The following BLVRA variants were observed in gnomAD, a reference collection of about 807,000 sequenced individuals.
BLVRA encodes biliverdin reductase A.
Under a neutral mutation model 32.8 loss-of-function variants are expected in BLVRA, and 22 were observed. The observed-to-expected ratio is 0.67, with a 90% CI of 0.48 to 0.96. The LOEUF is 0.96. Ranked by LOEUF, BLVRA falls within the 40% of genes least tolerant of loss-of-function variation. The pLI, the probability that BLVRA is intolerant of heterozygous loss-of-function variation, is 0.00. For synonymous variants in BLVRA, 119 were observed against 141.3 expected (o/e 0.84, Z 1.12); for missense variants, 323 against 358.1 (o/e 0.90, Z 0.79).
intron 5 of BLVRA, 146 bp downstream of exon 5, chr7:43,792,958 G>A (rs2095787879): frequency 5.0e-6 from 4 of 793,064 alleles, no homozygotes; most frequent in Non-Finnish European, 8.4e-6. Flanking sequence ...CCCCCACACT[G>A]TAAACACAGA....
chr7:43,772,779 C>T (rs1394431064), intron 2 of BLVRA, among the ~76,000 whole-genome samples: 1 of 152,206 alleles, frequency 6.6e-6, no homozygotes, highest in Admixed American at 6.5e-5. Flanking sequence ...CTCGTGAGAA[C>T]TCACTATCAT....
At chr7:43,758,822 G>T (rs1276724802) in intron 1 of BLVRA, 88 bp downstream of exon 1, 1 of 151,588 alleles carries the variant, frequency 6.6e-6, no homozygotes, top group Admixed American at 6.6e-5. Flanking sequence ...TGAGCTCGAA[G>T]CCCCAGGCCC....
At chr7:43,803,900 T>C in intron 7 of BLVRA, 53 bp downstream of exon 7, 1 of 1,602,488 alleles carries the variant, frequency 6.2e-7, no homozygotes, top group Non-Finnish European at 8.5e-7. Context: ...TCCTAGTACA[T>C]TTGCAGGTAT....
chr7:43,784,377 CT>C (rs2095774205), intron 2 of BLVRA, among the ~76,000 whole-genome samples: 1 of 152,158 alleles, frequency 6.6e-6, no homozygotes, highest in South Asian at 2.1e-4. Context: ...TTCCCCTTTC[CT>C]CTGCCTCCTA....
At chr7:43,798,944 T>C (rs2095795743) in intron 5 of BLVRA, among the ~76,000 whole-genome samples, 1 of 150,394 alleles carries the variant, frequency 6.6e-6, no homozygotes, top group Admixed American at 6.6e-5. Context: ...TACATAGTGC[T>C]GGGGAAAATA....
At chr7:43,801,004 C>A (rs2132593549) in intron 6 of BLVRA, among the ~76,000 whole-genome samples, 1 of 151,812 alleles carries the variant, frequency 6.6e-6, no homozygotes, top group South Asian at 2.1e-4. Context: ...TTTACTTATT[C>A]TGTTCTTACT....
At chr7:43,789,602 G>T (rs2095782933) in intron 3 of BLVRA, among the ~76,000 whole-genome samples, 1 of 152,174 alleles carries the variant, frequency 6.6e-6, no homozygotes, top group African/African-American at 2.4e-5. Flanking sequence ...TTAAGCCCCA[G>T]TCCTCTGCCA....
At chr7:43,761,963 C>T (rs2095742785) in intron 1 of BLVRA, among the ~76,000 whole-genome samples, 1 of 152,036 alleles carries the variant, frequency 6.6e-6, no homozygotes, top group Admixed American at 6.6e-5. Context: ...TATCCAACTC[C>T]CTCCAGGGCA....
chr7:43,761,088 T>C (rs2095741720), intron 1 of BLVRA, among the ~76,000 whole-genome samples: 1 of 152,188 alleles, frequency 6.6e-6, no homozygotes, highest in Admixed American at 6.6e-5. Context: ...GTCTTTGAGC[T>C]GTGAGGAAAT....
intron 2 of BLVRA, among the ~76,000 whole-genome samples, chr7:43,773,599 A>G (rs949173766): frequency 2.0e-5 from 3 of 152,204 alleles, no homozygotes; most frequent in Non-Finnish European, 4.4e-5. Flanking sequence ...CAATAAACAT[A>G]CGTGTGCATG....
intron 1 of BLVRA, among the ~76,000 whole-genome samples, chr7:43,763,616 C>T (rs2095744745): frequency 1.3e-5 from 2 of 152,316 alleles, no homozygotes; most frequent in South Asian, 4.1e-4. Context: ...CTGCTTTTGA[C>T]CCCTGGCTCT....
At chr7:43,772,888 A>G (rs962110398) in intron 2 of BLVRA, among the ~76,000 whole-genome samples, 7 of 152,168 alleles carry the variant, frequency 4.6e-5, no homozygotes, top group Non-Finnish European at 8.8e-5. Flanking sequence ...TCAAGATGAG[A>G]TTTGGGTGGG....
chr7:43,792,082 G>T (rs958616392), intron 4 of BLVRA, among the ~76,000 whole-genome samples: 7 of 152,202 alleles, frequency 4.6e-5, no homozygotes, highest in African/African-American at 1.7e-4. Flanking sequence ...TCCACAGAAT[G>T]AAATCTGAAC....
chr7:43,762,863 C>T (rs968664045), intron 1 of BLVRA, among the ~76,000 whole-genome samples: 6 of 152,100 alleles, frequency 3.9e-5, no homozygotes, highest in South Asian at 2.1e-4. Context: ...GCCCCATGCC[C>T]GCCTCGGCCT....
Position 43,788,034 on chromosome 7 carries a change from C to T in BLVRA, c.134+9C>T. 6.2e-7 allele frequency: 1 copy of T among 1,614,182 alleles called. No homozygotes were observed. The highest frequency in any genetic ancestry group is 1.1e-5 in the South Asian group (1 of 91,082). The stretch of plus-strand genomic sequence containing the variant: ...ATTGGCTTCGTGTCGAGGTGGCTCA[C>T]AATGTCTTTGTGCTTCATAATTCAT... On this transcript the variant is annotated intron_variant, in intron 3 of 7. Coordinates refer to ENST00000265523, the MANE Select transcript of BLVRA (RefSeq NM_000712.4).
At chr7:43,772,243 A>T (rs1009690058) in intron 2 of BLVRA, among the ~76,000 whole-genome samples, 1 of 152,242 alleles carries the variant, frequency 6.6e-6, no homozygotes, top group Non-Finnish European at 1.5e-5. Context: ...GCAGGTGCCC[A>T]TGTGGCAGCA....
chr7:43,804,183 T>A (rs1023310707), intron 7 of BLVRA, among the ~76,000 whole-genome samples: 2 of 152,260 alleles, frequency 1.3e-5, no homozygotes, highest in African/African-American at 4.8e-5. Context: ...GGCTCAGGCC[T>A]ATAATCCCAG....
intron 2 of BLVRA, among the ~76,000 whole-genome samples, chr7:43,775,213 G>C (rs544026493): frequency 1.4e-3 from 220 of 152,180 alleles, no homozygotes; most frequent in African/African-American, 4.9e-3. Context: ...TCCCTGTCTT[G>C]TGCCAGTTTT....
chr7:43,777,510 C>G (rs1021547484), intron 2 of BLVRA, among the ~76,000 whole-genome samples: 2 of 152,318 alleles, frequency 1.3e-5, no homozygotes, highest in South Asian at 4.1e-4. Context: ...GCCGAGAGAT[C>G]CGCTGTTAGT....
Sources: allele counts gnomAD v4.1 joint callset (sites outside exome capture counted in the v4.1 genomes callset), GRCh38; gene constraint gnomAD v4.1.1; transcripts MANE v1.5; gene names NCBI Gene and HGNC (gene_info 2026-07-23, HGNC 2026-07-21).